GCM2: variants seen among roughly 807,000 people sequenced by gnomAD.
GCM2 encodes the protein chorion-specific transcription factor GCMb.
GCM2 carries 21 observed loss-of-function variants against 24.8 expected under a neutral mutation model. The ratio of observed to expected loss-of-function variants is 0.85; its 90% CI spans 0.60 to 1.22. GCM2 has a LOEUF of 1.22. GCM2 is among the 50% of genes most tolerant of loss of function. The probability of loss-of-function intolerance (pLI) is 0.00; values close to 1 mark genes in which losing one functional copy is unlikely to be tolerated. For synonymous variants in GCM2, 222 were observed against 238.0 expected (o/e 0.93, Z 0.62); for missense variants, 532 against 645.6 (o/e 0.82, Z 1.91).
intron 1 of GCM2, among the ~76,000 whole-genome samples, chr6:10,881,466 A>T (rs1779956045): frequency 6.6e-6 from 1 of 152,004 alleles, no homozygotes; most frequent in Non-Finnish European, 1.5e-5. Flanking sequence ...CCAAGAAGAC[A>T]CATTTCTAAA....
rs771263871 is a variant in GCM2, at chr6:10,877,252, G to A, written c.231C>T (p.Leu77=). 1.3e-5 allele frequency: 21 copies of A among 1,614,112 alleles called. No individual in the cohort carries two copies. Among genetic ancestry groups the A allele is most frequent in the Non-Finnish European group, 1.8e-5 (21 of 1,180,052 alleles). Residue 77 remains leucine (L), a synonymous_variant, in exon 2 of 5, where the codon CTC becomes CTT. Coordinates refer to ENST00000379491, the MANE Select transcript of GCM2 (RefSeq NM_004752.4). The part of the protein sequence containing the change: ...RNTNNHNGHI[L]KKSCLGVVVC... ...CCACCACACCCAGGCACGACTTCTTGAGGATGTGGCCATTGTGGTTGTTGG... is the reference window on the plus strand; with the variant it reads ...CCACCACACCCAGGCACGACTTCTTAAGGATGTGGCCATTGTGGTTGTTGG...
At chr6:10,880,693 T>C (rs755518932) in intron 1 of GCM2, among the ~76,000 whole-genome samples, 1 of 152,172 alleles carries the variant, frequency 6.6e-6, no homozygotes, top group Non-Finnish European at 1.5e-5. Flanking sequence ...ATTTTTGCTT[T>C]ATTGAAATAA....
rs1250082142 is a variant in GCM2 at position 10,881,902 on chromosome 6, G to A, written c.-109C>T. On this transcript the variant is annotated 5_prime_UTR_variant, in exon 1 of 5. Coordinates refer to ENST00000379491, the MANE Select transcript of GCM2 (RefSeq NM_004752.4). The stretch of plus-strand genomic sequence containing the variant: ...TTCTCTTTAAAGAAGAAAGTGGGGT[G>A]TGTGAAGGGGAGGTGCAGAGAGAGA... 2.5e-6 allele frequency: 2 copies of A among 803,928 alleles called. No homozygotes were observed. The highest frequency in any genetic ancestry group is 4.0e-5 in the Admixed American group (2 of 50,088). 49.8% of individuals were successfully genotyped at this position (803,928 alleles called of 1,614,324 possible). A position where few individuals can be genotyped will look rare whatever the true frequency, so the allele number is the denominator to read the frequency against.
In GCM2 at chr6:10,874,312, T is replaced by C. The variant is rs1296764418; in HGVS notation, c.1204A>G (p.Ser402Gly). 4.3e-6 allele frequency: 7 copies of C among 1,614,110 alleles called. No homozygotes were observed. Among genetic ancestry groups the C allele is most frequent in the Non-Finnish European group, 5.1e-6 (6 of 1,180,052 alleles). Residue 402 changes from serine to glycine, a missense_variant, in exon 5 of 5, where the codon AGT becomes GGT. Ser to Gly is a moderately conservative substitution (Grantham distance 56). Around this residue, in one of 3 missense-constraint regions of GCM2, gnomAD observed 434 missense variants for 521.9 expected, o/e 0.83. Transcript: ENST00000379491. ...QAYQPPAMKY[S>G]DSVREVKSLS... The stretch of plus-strand genomic sequence containing the variant: ...CTCTTCACCTCTCGCACACTGTCAC[T>C]GTATTTCATAGCAGGGGGCTGGTAG...
rs12205626 is a variant in GCM2 at position 10,877,663 on chromosome 6, T to C, written c.91-271A>G. Reference sequence around the variant, plus strand: ...CAAACAATTATTTCCAATTTGCCGATGAGGACATGGAGGCCAGAGAGGTTA... The same window carrying C: ...CAAACAATTATTTCCAATTTGCCGACGAGGACATGGAGGCCAGAGAGGTTA... On this transcript the variant is annotated intron_variant, in intron 1 of 4. Transcript: ENST00000379491. Among the ~76,000 whole-genome samples, 16,849 of 152,218 alleles carry C rather than the reference T, an allele frequency of 0.11. 1,088 individuals are homozygous for C. The highest frequency in any genetic ancestry group is 0.14 in the Non-Finnish European group (9,679 of 68,006).
intron 1 of GCM2, 142 bp downstream of exon 1, chr6:10,881,562 G>C: frequency 1.4e-5 from 1 of 72,620 alleles, no homozygotes. Context: ...GTATGTGTGT[G>C]TGTGTGTGTG....
intron 1 of GCM2, among the ~76,000 whole-genome samples, chr6:10,881,068 T>A (rs1388461562): frequency 6.6e-6 from 1 of 152,224 alleles, no homozygotes; most frequent in Non-Finnish European, 1.5e-5. Context: ...AGACTGGGAA[T>A]GTGGAGCCTG....
chr6:10,881,551 G>GGTGT (rs1215744211), intron 1 of GCM2, among the ~76,000 whole-genome samples, 153 bp downstream of exon 1: 4 of 128,168 alleles, frequency 3.1e-5, no homozygotes, highest in Admixed American at 8.2e-5. Context: ...AAATTTTGCG[G>GGTGT]GTATGTGTGT....
At chr6:10,879,948 T>C (rs1779935400) in intron 1 of GCM2, among the ~76,000 whole-genome samples, 2 of 152,150 alleles carry the variant, frequency 1.3e-5, no homozygotes, top group African/African-American at 2.4e-5. Flanking sequence ...GACTCTAAAG[T>C]AGGCAGACTT....
rs761237423 is a variant in GCM2 at position 10,874,314 on chromosome 6, T to A, written c.1202A>T (p.Tyr401Phe). 1 of 1,614,232 alleles carries A rather than the reference T, an allele frequency of 6.2e-7. No homozygotes were observed. The highest frequency in any genetic ancestry group is 8.5e-7 in the Non-Finnish European group (1 of 1,180,036). Residue 401 changes from tyrosine (Y) to phenylalanine (F), a missense_variant, in exon 5 of 5, where the codon TAC becomes TTC. Coordinates refer to ENST00000379491, the MANE Select transcript of GCM2 (RefSeq NM_004752.4). ...YQAYQPPAMK[Y>F]SDSVREVKSL... is the part of the protein sequence containing the mutation. Reference sequence around the variant, plus strand: ...CTTCACCTCTCGCACACTGTCACTGTATTTCATAGCAGGGGGCTGGTAGGC... The same window carrying A: ...CTTCACCTCTCGCACACTGTCACTGAATTTCATAGCAGGGGGCTGGTAGGC...
rs112250329 is a variant in GCM2, at chr6:10,880,251, G to A, written c.90+1453C>T. Among the ~76,000 whole-genome samples the A allele has an allele frequency of 7.7e-3, 1,161 of 151,212 alleles. 5 individuals are homozygous for A. The highest frequency in any genetic ancestry group is 0.041 in the Middle Eastern group (12 of 294). Reference sequence around the variant, plus strand: ...GCCTAGGCAACAAGAGCTAAACCCCGCCTCAAAAAACAAACAAACAACAAC... The same window carrying A: ...GCCTAGGCAACAAGAGCTAAACCCCACCTCAAAAAACAAACAAACAACAAC... On this transcript the variant is annotated intron_variant, in intron 1 of 4. Coordinates refer to ENST00000379491, the MANE Select transcript of GCM2 (RefSeq NM_004752.4).
intron 1 of GCM2, among the ~76,000 whole-genome samples, chr6:10,881,271 G>A (rs1185071686): frequency 6.6e-6 from 1 of 152,102 alleles, no homozygotes. Flanking sequence ...CGATTCTCCT[G>A]CCTCAGCCTC....
chr6:10,877,430 A>G (rs751382499), intron 1 of GCM2, 38 bp from the exon 2 acceptor site: 2 of 1,611,628 alleles, frequency 1.2e-6, no homozygotes, highest in Non-Finnish European at 1.7e-6. Flanking sequence ...CAGTCTATCC[A>G]GTCCAAACTG....
intron 3 of GCM2, 91 bp from the exon 4 acceptor site, chr6:10,876,107 T>C: frequency 7.6e-7 from 1 of 1,314,892 alleles, no homozygotes; most frequent in Non-Finnish European, 1.1e-6. Flanking sequence ...TCCCAACATC[T>C]CAAGAGTTTA....
Position 10,874,417 on chromosome 6 carries a change from T to C in GCM2, c.1099A>G (p.Arg367Gly). The change falls in exon 5 of 5, where the codon AGG becomes GGG. Residue 367 changes from arginine to glycine, a missense_variant. Arg to Gly is a moderately radical substitution (Grantham distance 125). Coordinates refer to ENST00000379491, the MANE Select transcript of GCM2 (RefSeq NM_004752.4). ...RPYYNPELPC[R>G]YLTTPPPGAP... ...CCTGGTGGTGGAGTCGTGAGGTACC[T>C]GCAGGGAAGCTCTGGGTTATAATAA... 6.2e-7 allele frequency: 1 copy of C among 1,614,198 alleles called. No homozygotes were observed. Among genetic ancestry groups the C allele is most frequent in the Non-Finnish European group, 8.5e-7 (1 of 1,180,024 alleles).
At position 10,873,394 on chromosome 6, in the gene GCM2, GA is replaced by G. The variant is rs1344938383; in HGVS notation, c.*600del. On this transcript the variant is annotated 3_prime_UTR_variant, in exon 5 of 5. Coordinates refer to ENST00000379491, the MANE Select transcript of GCM2 (RefSeq NM_004752.4). ...AAAGGTTAGGAAACTATCATGTTAT[GA>G]AAAGCTAATATTGAATCTTTTAAAA... is the stretch of plus-strand genomic sequence containing the variant. The G allele has an allele frequency of 6.4e-6, 1 of 156,986 alleles. No individual in the cohort carries two copies. Among genetic ancestry groups the G allele is most frequent in the Non-Finnish European group, 1.4e-5 (1 of 70,930 alleles). The allele number at this position is 156,986 out of a possible 1,614,324, so 9.7% of individuals were successfully genotyped here. A position where few individuals can be genotyped will look rare whatever the true frequency, so the allele number is the denominator to read the frequency against.
Position 10,877,379 on chromosome 6 carries a change from A to C in GCM2, c.104T>G (p.Phe35Cys), listed in dbSNP as rs749586674. The C allele has an allele frequency of 1.9e-6, 3 of 1,614,256 alleles. No homozygotes were observed. Among genetic ancestry groups the C allele is most frequent in the Non-Finnish European group, 2.5e-6 (3 of 1,180,048 alleles). The change falls in exon 2 of 5, where the codon TTT becomes TGT. Residue 35 changes from phenylalanine to cysteine, a missense_variant. Phe to Cys is a radical substitution (Grantham distance 205, BLOSUM62 -2). Transcript: ENST00000379491. Reference protein sequence around the residue: ...DPQMPQELALFDQFREWPDGY... With the variant: ...DPQMPQELALCDQFREWPDGY... ...GTCAGGCCACTCTCGGAATTGGTCA[A>C]AGAGGGCCAGCTCCTGGAAGAGTGC...
intron 1 of GCM2, among the ~76,000 whole-genome samples, chr6:10,881,366 C>T (rs1222256733): frequency 6.6e-6 from 1 of 152,076 alleles, no homozygotes; most frequent in African/African-American, 2.4e-5. Context: ...CCATGTTGGT[C>T]AGGCTGGTCT....
In GCM2 at chr6:10,877,333, G is replaced by C. The variant is rs148214304; in HGVS notation, c.150C>G (p.Tyr50Ter). Residue 50 changes from tyrosine to a stop codon, truncating the protein, a stop_gained, in exon 2 of 5, where the codon TAC (tyrosine) becomes TAG (stop). Transcript: ENST00000379491. LOFTEE classifies it high-confidence loss of function. ...GCTGTGCCTTCTTCTCATCGCTGCT[G>C]TAGATGAAGCGCACATAGCCGTCAG... ...EWPDGYVRFIYSSDEKKAQRH... is the reference protein window; with the variant it reads ...EWPDGYVRFI The C allele has an allele frequency of 6.2e-7, 1 of 1,614,006 alleles. No individual in the cohort carries two copies. The highest frequency in any genetic ancestry group is 8.5e-7 in the Non-Finnish European group (1 of 1,179,960).
Sources: gnomAD v4.1 joint callset for allele counts (sites outside exome capture counted in the v4.1 genomes callset) on GRCh38, gnomAD v4.1.1 for gene constraint, gnomAD v4.1.1 regional missense constraint, MANE v1.5 for transcripts, NCBI Gene and HGNC (gene_info 2026-07-23, HGNC 2026-07-21) for gene names.